The following ZACN variants were observed in gnomAD, a reference collection of about 807,000 sequenced individuals.
ZACN encodes the protein zinc activated ion channel.
In ZACN, 52 loss-of-function variants were observed where a neutral mutation model predicts 38.9. That is an observed-to-expected ratio of 1.34 (90% CI 1.07 to 1.68). The LOEUF is 1.68. Ranked by LOEUF, ZACN falls within the 40% of genes most tolerant of loss-of-function variation. The pLI is 0.00. For missense variants in ZACN, 559 were observed against 525.6 expected (o/e 1.06, Z -0.62); for synonymous variants, 235 against 227.4 (o/e 1.03, Z -0.30).
intron 4 of ZACN, 104 bp from the exon 5 acceptor site, chr17:76,080,151 C>T (rs767255139): frequency 1.3e-6 from 2 of 1,484,920 alleles, no homozygotes; most frequent in African/African-American, 1.4e-5. Flanking sequence ...CTCCCACTGC[C>T]AGAACTCTGA....
In ZACN at chr17:76,080,329, C is replaced by T; in HGVS notation, c.449C>T (p.Ala150Val). The change falls in exon 5 of 9, where the codon GCC (alanine) becomes GTC (valine). Residue 150 changes from alanine to valine, a missense_variant. Coordinates refer to ENST00000334586, the MANE Select transcript of ZACN (RefSeq NM_180990.4). Reference sequence around the variant, plus strand: ...GACGGCCACGTGAAGCTCAACCTGGCCCTCGCCACGGAGACCAACTGCAAC... The same window carrying T: ...GACGGCCACGTGAAGCTCAACCTGGTCCTCGCCACGGAGACCAACTGCAAC... Reference protein sequence around the residue: ...DQDGHVKLNLALATETNCNFE... With the variant: ...DQDGHVKLNLVLATETNCNFE... 1 of 1,613,916 alleles carries T rather than the reference C, an allele frequency of 6.2e-7. No homozygotes were observed. The highest frequency in any genetic ancestry group is 8.5e-7 in the Non-Finnish European group (1 of 1,179,876).
Position 76,081,627 on chromosome 17 carries a change from G to C in ZACN, c.752G>C (p.Gly251Ala). The C allele has an allele frequency of 1.2e-6, 2 of 1,614,120 alleles. No individual in the cohort carries two copies. Among genetic ancestry groups the C allele is most frequent in the Non-Finnish European group, 1.7e-6 (2 of 1,180,040 alleles). Residue 251 changes from glycine to alanine, a missense_variant, in exon 7 of 9, where the codon GGG (glycine) becomes GCG (alanine). By Grantham distance (60) the Gly-to-Ala change is moderately conservative. Transcript: ENST00000334586. ...AEALLLADVCGGLLPLRAIER... is the reference protein window; with the variant it reads ...AEALLLADVCAGLLPLRAIER... ...GCACTGCTGTTGGCTGACGTGTGCGGGGGGTTGCTGCCCCTCCGGGCCATT... is the reference window on the plus strand; with the variant it reads ...GCACTGCTGTTGGCTGACGTGTGCGCGGGGTTGCTGCCCCTCCGGGCCATT...
chr17:76,082,114 C>T (rs985262269), intron 8 of ZACN, 65 bp downstream of exon 8: 26 of 1,517,192 alleles, frequency 1.7e-5, no homozygotes, highest in Middle Eastern at 2.1e-4. Flanking sequence ...GGTGAGGGCA[C>T]GGAGGTCCAG....
chr17:76,082,429 A>G, intron 8 of ZACN, 34 bp from the exon 9 acceptor site: 5 of 1,558,488 alleles, frequency 3.2e-6, no homozygotes, highest in Non-Finnish European at 3.5e-6. Flanking sequence ...GGGACCTTGA[A>G]GAACAGCTCC....
chr17:76,081,912 T>C lies in ZACN; in HGVS notation c.911T>C (p.Leu304Pro). ...IYYFTILLLL[L>P]FLSTIETVLL... ...TACTTCACCATCCTGCTGCTGCTGC[T>C]CTTCCTCAGCACCATAGAGACTGTG... is the stretch of plus-strand genomic sequence containing the variant. The change falls in exon 8 of 9, where the codon CTC (leucine) becomes CCC (proline). Residue 304 changes from leucine to proline, a missense_variant. Transcript: ENST00000334586. The C allele has an allele frequency of 4.3e-6, 7 of 1,611,254 alleles. No individual in the cohort carries two copies. Among genetic ancestry groups the C allele is most frequent in the Non-Finnish European group, 5.9e-6 (7 of 1,178,348 alleles).
At position 76,079,904 on chromosome 17, in the gene ZACN, G is replaced by A. The variant is rs1053481536; in HGVS notation, c.284G>A (p.Arg95His). Residue 95 changes from arginine to histidine, a missense_variant, in exon 4 of 9, where the codon CGC becomes CAC. Transcript: ENST00000334586. ...LLLRLSWLDT[R>H]LAWNTSAHPR... ...TGTCCCCAGTCCTGGCTGGACACTC[G>A]CCTGGCCTGGAACACTAGTGCACAC... 19 of 1,596,970 alleles carry A rather than the reference G, an allele frequency of 1.2e-5. No homozygotes were observed. In the Middle Eastern group the frequency reaches 5.0e-4, roughly 42 times the overall value.
Position 76,079,255 on chromosome 17 carries a change from C to T in ZACN, c.-10C>T, listed in dbSNP as rs373932926. ...GCACCGCTGCTCCCTCCAGTCCCTC[C>T]GTGCAGCCGATGATGGCCCTATGGT... On this transcript the variant is annotated 5_prime_UTR_variant, in exon 1 of 9. Coordinates refer to ENST00000334586, the MANE Select transcript of ZACN (RefSeq NM_180990.4). The T allele has an allele frequency of 2.0e-5, 32 of 1,607,468 alleles. 1 individual carries two copies. The highest frequency in any genetic ancestry group is 2.0e-4 in the South Asian group (18 of 90,572).
intron 3 of ZACN, 62 bp from the exon 4 acceptor site, chr17:76,079,826 C>G (rs903605986): frequency 1.9e-6 from 3 of 1,599,640 alleles, no homozygotes; most frequent in Non-Finnish European, 2.6e-6. Context: ...CATCAACATG[C>G]TGAGCTTAGG....
chr17:76,081,411 A>G lies in ZACN; in HGVS notation c.669+9A>G, dbSNP rs1056381794. 22 of 1,613,886 alleles carry G rather than the reference A, an allele frequency of 1.4e-5. No homozygotes were observed. The highest frequency in any genetic ancestry group is 1.9e-5 in the Non-Finnish European group (22 of 1,180,014). ...CCTGCTTCCAGGTGACGGTGAGTCA[A>G]GTCGGGAGGAGGCCGACAGAGGGCT... is the stretch of plus-strand genomic sequence containing the variant. On this transcript the variant is annotated intron_variant, in intron 6 of 8. Coordinates refer to ENST00000334586, the MANE Select transcript of ZACN (RefSeq NM_180990.4).
chr17:76,080,626 C>A (rs751466313), intron 5 of ZACN: 3 of 755,852 alleles, frequency 4.0e-6, no homozygotes, highest in Non-Finnish European at 4.6e-6. Context: ...CTGCGCCCCC[C>A]ACTCGAGTGG....
chr17:76,080,122 T>C (rs992964037), intron 4 of ZACN, 128 bp downstream of exon 4: 2 of 1,458,692 alleles, frequency 1.4e-6, no homozygotes, highest in Non-Finnish European at 9.2e-7. Context: ...GCAGTGCACC[T>C]TCACTGCCTC....
In ZACN at chr17:76,080,596, G is replaced by C. The variant is rs112615474; in HGVS notation, c.544+172G>C. On this transcript the variant is annotated intron_variant, in intron 5 of 8. Transcript: ENST00000334586. The stretch of plus-strand genomic sequence containing the variant: ...AGAGCAGTCTACCCCAGGCTTAGGC[G>C]GGCAGCACCTGCTCTCCCACTGCGC... 3.0e-4 allele frequency: 281 copies of C among 942,466 alleles called. 3 individuals carry two copies. The African/African-American group carries it at 3.9e-3, about 13-fold the overall frequency. The allele number at this position is 942,466 out of a possible 1,614,324, so 58.4% of individuals were successfully genotyped here.
In ZACN at chr17:76,082,056, A is replaced by T; in HGVS notation, c.1048+7A>T. The T allele has an allele frequency of 6.3e-7, 1 of 1,599,800 alleles. No individual in the cohort carries two copies. The highest frequency in any genetic ancestry group is 8.5e-7 in the Non-Finnish European group (1 of 1,174,138). On this transcript the variant is annotated splice_region_variant and intron_variant, in intron 8 of 8. Coordinates refer to ENST00000334586, the MANE Select transcript of ZACN (RefSeq NM_180990.4). ...GGGCCTCATCCTGCTGAAGGTGGGC[A>T]GGGGCTGGGGGGTAAGGAATGAGGC...
Position 76,079,349 on chromosome 17 carries a change from G to A in ZACN, c.85G>A (p.Gly29Arg), listed in dbSNP as rs1434507061. The part of the protein sequence containing the change: ...LLLVHGQGFQ[G>R]TAAIWPSLFN... ...GTTGGTCCACGGGCAGGGCTTCCAAGGGACAGCAGCCAGTAGGTGGAGGGC... is the reference window on the plus strand; with the variant it reads ...GTTGGTCCACGGGCAGGGCTTCCAAAGGACAGCAGCCAGTAGGTGGAGGGC... The change falls in exon 1 of 9, where the codon GGG (glycine) becomes AGG (arginine). Residue 29 changes from glycine (G) to arginine (R), a missense_variant. Physicochemically the swap from Gly to Arg is moderately radical, Grantham distance 125. Transcript: ENST00000334586. 2.5e-6 allele frequency: 4 copies of A among 1,613,980 alleles called. No individual in the cohort carries two copies. Among genetic ancestry groups the A allele is most frequent in the East Asian group, 2.2e-5 (1 of 44,894 alleles).
Position 76,079,467 on chromosome 17 carries a change from G to A in ZACN, c.126G>A (p.Leu42=). ...GGCCATCCCTCTTCAACGTCAACTT[G>A]TCCAAGAAGGTTCAGGAAAGCATCC... The part of the protein sequence containing the change: ...AIWPSLFNVN[L]SKKVQESIQI... Residue 42 remains leucine, a synonymous_variant, in exon 2 of 9, where the codon TTG becomes TTA. Transcript: ENST00000334586. 1.9e-6 allele frequency: 3 copies of A among 1,614,142 alleles called. No individual in the cohort carries two copies. The highest frequency in any genetic ancestry group is 2.5e-6 in the Non-Finnish European group (3 of 1,180,032).
At position 76,081,647 on chromosome 17, in the gene ZACN, G is replaced by T. The variant is rs377587633; in HGVS notation, c.772G>T (p.Ala258Ser). The T allele has an allele frequency of 6.2e-7, 1 of 1,614,134 alleles. No individual in the cohort carries two copies. The highest frequency in any genetic ancestry group is 1.1e-5 in the South Asian group (1 of 91,090). ...DVCGGLLPLR[A>S]IERIGYKVTL... ...GTGCGGGGGGTTGCTGCCCCTCCGG[G>T]CCATTGAGCGCATAGGCTACAAGGT... Residue 258 changes from alanine to serine, a missense_variant, in exon 7 of 9, where the codon GCC (alanine) becomes TCC (serine). By Grantham distance (99) the Ala-to-Ser change is moderately conservative. Transcript: ENST00000334586.
rs1307050188 is a variant in ZACN at position 76,079,696 on chromosome 17, C to T, written c.223-6C>T. On this transcript the variant is annotated splice_polypyrimidine_tract_variant and splice_region_variant and intron_variant, in intron 2 of 8. Transcript: ENST00000334586. ...ACCCTGAGGTGATGCATTGCCCTTC[C>T]CCCAGGACATCCTGCGATACACAAT... The T allele has an allele frequency of 2.5e-6, 4 of 1,613,162 alleles. No individual in the cohort carries two copies. Among genetic ancestry groups the T allele is most frequent in the Middle Eastern group, 1.6e-4 (1 of 6,080 alleles).
chr17:76,079,456 A>G lies in ZACN; in HGVS notation c.115A>G (p.Asn39Asp), dbSNP rs145055756. The G allele has an allele frequency of 7.0e-4, 1,124 of 1,614,128 alleles. 1 individual carries two copies. Among genetic ancestry groups the G allele is most frequent in the Non-Finnish European group, 9.0e-4 (1,060 of 1,180,026 alleles). ...GTAAIWPSLF[N>D]VNLSKKVQES... ...TCTCTCAGTCTGGCCATCCCTCTTC[A>G]ACGTCAACTTGTCCAAGAAGGTTCA... The change falls in exon 2 of 9, where the codon AAC becomes GAC. Residue 39 changes from asparagine (N) to aspartate (D), a missense_variant. Physicochemically the swap from Asn to Asp is conservative, Grantham distance 23. Coordinates refer to ENST00000334586, the MANE Select transcript of ZACN (RefSeq NM_180990.4).
At chr17:76,079,631 G>A in intron 2 of ZACN, 68 bp downstream of exon 2, 1 of 1,612,100 alleles carries the variant, frequency 6.2e-7, no homozygotes, top group Non-Finnish European at 8.5e-7. Flanking sequence ...GCCCTGGATA[G>A]TGCTGGGGTC....
Sources: gnomAD v4.1 joint callset for allele counts on GRCh38, gnomAD v4.1.1 for gene constraint, MANE v1.5 for transcripts, NCBI Gene and HGNC (gene_info 2026-07-23, HGNC 2026-07-21) for gene names.